FAM107B: variants seen among roughly 807,000 people sequenced by gnomAD.
The protein encoded by FAM107B is family with sequence similarity 107 member B.
Under a neutral mutation model 31.5 loss-of-function variants are expected in FAM107B, and 21 were observed. The ratio of observed to expected loss-of-function variants is 0.67; its 90% CI spans 0.47 to 0.96. The LOEUF (loss-of-function observed/expected upper bound fraction) is 0.96. Ranked by LOEUF, FAM107B falls within the 40% of genes least tolerant of loss-of-function variation. FAM107B has a pLI of 0.00. For missense variants in FAM107B, 452 were observed against 377.1 expected (o/e 1.20, Z -1.64); for synonymous variants, 157 against 141.5 (o/e 1.11, Z -0.78).
rs544771748 is a variant in FAM107B at position 14,561,598 on chromosome 10, A to G, written c.470-31083T>C. ...TCCTACCCTCAAAACCACAGGGGGG[A>G]GGGCAAGGGCGAGAGGCCCCGCAGT... On this transcript the variant is annotated intron_variant, in intron 2 of 4. Transcript: ENST00000181796. Among the ~76,000 whole-genome samples the G allele has an allele frequency of 5.9e-5, 9 of 152,230 alleles. No individual in the cohort carries two copies. The South Asian group carries it at 1.9e-3, about 32-fold the overall frequency.
intron 2 of FAM107B, among the ~76,000 whole-genome samples, chr10:14,559,322 G>A (rs763457061): frequency 8.5e-5 from 13 of 152,122 alleles, no homozygotes; most frequent in South Asian, 2.1e-4. Context: ...ACCCACCTGC[G>A]CAGCCAGCCT....
chr10:14,671,905 C>CAAAAAAAAA (rs1564621080), intron 1 of FAM107B, among the ~76,000 whole-genome samples: 14 of 137,780 alleles, frequency 1.0e-4, no homozygotes, highest in African/African-American at 3.5e-4. Flanking sequence ...AAAAAAAAAC[C>CAAAAAAAAA]CTCTATTTCT....
At chr10:14,721,248 A>T (rs921000180) in intron 1 of FAM107B, among the ~76,000 whole-genome samples, 3 of 152,064 alleles carry the variant, frequency 2.0e-5, no homozygotes, top group Non-Finnish European at 4.4e-5. Flanking sequence ...TCTATCATTG[A>T]TGGACATTTG....
intron 3 of FAM107B, among the ~76,000 whole-genome samples, chr10:14,524,946 C>T (rs958860000): frequency 1.3e-5 from 2 of 152,150 alleles, no homozygotes; most frequent in Non-Finnish European, 2.9e-5. Flanking sequence ...AAAGATTTTA[C>T]ACAATAGTGA....
intron 1 of FAM107B, among the ~76,000 whole-genome samples, chr10:14,730,833 G>A (rs1333675808): frequency 1.3e-5 from 2 of 152,126 alleles, no homozygotes; most frequent in Non-Finnish European, 2.9e-5. Flanking sequence ...CTCAGTCCCG[G>A]GCAAACCAGG....
chr10:14,770,141 A>G (rs1426513866), intron 1 of FAM107B, among the ~76,000 whole-genome samples: 1 of 152,178 alleles, frequency 6.6e-6, no homozygotes, highest in Non-Finnish European at 1.5e-5. Context: ...AACATCAGCA[A>G]CCTCACAGAT....
rs766506365 is a variant in FAM107B, at chr10:14,572,491, G to A, written c.470-41976C>T. The A allele has an allele frequency of 1.0e-4, 81 of 772,756 alleles. 1 individual carries two copies. Among genetic ancestry groups the A allele is most frequent in the Non-Finnish European group, 1.2e-4 (78 of 636,214 alleles). The allele number at this position is 772,756 out of a possible 1,614,324, so 47.9% of individuals were successfully genotyped here. On this transcript the variant is annotated intron_variant, in intron 2 of 4. Transcript: ENST00000181796. The stretch of plus-strand genomic sequence containing the variant: ...TGAGACCAATCAGAATGGCCCTCCT[G>A]AGGCTGGGATTCATGGCATCACAGC...
chr10:14,620,877 G>C (rs1229327687), intron 2 of FAM107B, among the ~76,000 whole-genome samples: 1 of 152,014 alleles, frequency 6.6e-6, no homozygotes, highest in East Asian at 1.9e-4. Context: ...TCAATGTTTT[G>C]TACTTTCCAG....
At chr10:14,646,951 G>T (rs377352449) in intron 2 of FAM107B, among the ~76,000 whole-genome samples, 1 of 152,018 alleles carries the variant, frequency 6.6e-6, no homozygotes, top group Admixed American at 6.6e-5. Context: ...CCACCACCAG[G>T]CCTGGCTAAT....
intron 2 of FAM107B, chr10:14,548,745 A>G: frequency 1.3e-6 from 1 of 761,616 alleles, no homozygotes; most frequent in Non-Finnish European, 1.6e-6. Flanking sequence ...AAAAATGCAA[A>G]TTGGCATCCA....
At chr10:14,702,008 C>T (rs1855410049) in intron 1 of FAM107B, among the ~76,000 whole-genome samples, 1 of 152,152 alleles carries the variant, frequency 6.6e-6, no homozygotes, top group Admixed American at 6.5e-5. Flanking sequence ...GCTGCCCACC[C>T]AAAAAACATA....
chr10:14,530,084 A>G (rs1846787117), intron 3 of FAM107B: 1 of 396,194 alleles, frequency 2.5e-6, no homozygotes, highest in African/African-American at 2.1e-5. Context: ...ATACACATCC[A>G]TTTCAGAAGG....
chr10:14,730,606 A>G (rs545024417), intron 1 of FAM107B, among the ~76,000 whole-genome samples: 15 of 152,256 alleles, frequency 9.9e-5, no homozygotes, highest in Non-Finnish European at 2.1e-4. Flanking sequence ...GAGTCCTTGA[A>G]GGATTTTCAC....
chr10:14,619,509 T>C (rs1234912994), intron 2 of FAM107B, among the ~76,000 whole-genome samples: 1 of 152,208 alleles, frequency 6.6e-6, no homozygotes, highest in African/African-American at 2.4e-5. Context: ...CAGTCTTTTA[T>C]CCAGTTTTTA....
chr10:14,534,222 G>A lies in FAM107B; in HGVS notation c.470-3707C>T, dbSNP rs1401407958. On this transcript the variant is annotated intron_variant, in intron 2 of 4. Transcript: ENST00000181796. ...GGTCCCTGCAGCTCCTCATGCAAAG[G>A]CCACACTGGGGTCTGGGAAATGGTC... is the stretch of plus-strand genomic sequence containing the variant. Among the ~76,000 whole-genome samples the A allele has an allele frequency of 3.9e-5, 6 of 152,202 alleles. No individual in the cohort carries two copies. The South Asian group carries it at 8.3e-4, about 21-fold the overall frequency.
intron 2 of FAM107B, among the ~76,000 whole-genome samples, chr10:14,610,460 C>T (rs1044333635): frequency 8.5e-5 from 13 of 152,164 alleles, no homozygotes; most frequent in African/African-American, 2.7e-4. Flanking sequence ...TGTTGTATGA[C>T]GTTAATGTAA....
At chr10:14,620,371 A>T (rs1392666303) in intron 2 of FAM107B, among the ~76,000 whole-genome samples, 1 of 151,870 alleles carries the variant, frequency 6.6e-6, no homozygotes, top group Non-Finnish European at 1.5e-5. Flanking sequence ...CCTTTCATCA[A>T]CACCACCCTT....
chr10:14,645,392 C>T (rs1020520745), intron 2 of FAM107B, among the ~76,000 whole-genome samples: 1 of 152,218 alleles, frequency 6.6e-6, no homozygotes, highest in Non-Finnish European at 1.5e-5. Flanking sequence ...CACCTGTATA[C>T]ACCAAGAATG....
chr10:14,588,900 G>A (rs755012541), intron 2 of FAM107B, among the ~76,000 whole-genome samples: 2 of 152,072 alleles, frequency 1.3e-5, no homozygotes, highest in Non-Finnish European at 2.9e-5. Flanking sequence ...TAAGTGGTGA[G>A]GCTGGGCGCA....
Sources: gnomAD v4.1 joint callset for allele counts (sites outside exome capture counted in the v4.1 genomes callset) on GRCh38, gnomAD v4.1.1 for gene constraint, MANE v1.5 for transcripts, NCBI Gene and HGNC (gene_info 2026-07-23, HGNC 2026-07-21) for gene names.